Variants in CNKSR2 observed in about 807,000 individuals in gnomAD.
CNKSR2 encodes CNK homolog protein 2.
A neutral mutation model predicts 84.4 loss-of-function variants in CNKSR2; 14 were observed. The observed-to-expected ratio is 0.17, with a 90% confidence interval of 0.11 to 0.26. The LOEUF (loss-of-function observed/expected upper bound fraction) is 0.26. CNKSR2 is among the 10% of genes least tolerant of loss of function. The pLI, the probability that CNKSR2 is intolerant of heterozygous loss-of-function variation, is 1.00. For missense variants in CNKSR2, 485 were observed against 771.2 expected, an observed-to-expected ratio of 0.63 and a Z score of 4.40; for synonymous variants, 275 against 277.9, an observed-to-expected ratio of 0.99 and a Z score of 0.10.
intron 4 of CNKSR2, among the ~76,000 whole-genome samples, chrX:21,460,818 C>G (rs755982237): frequency 4.5e-5 from 5 of 111,627 alleles, no homozygotes; most frequent in Admixed American, 1.9e-4. Flanking sequence ...GGTGCCTGGC[C>G]TGTTTCACTT....
intron 1 of CNKSR2, among the ~76,000 whole-genome samples, chrX:21,389,006 G>A (rs1008859035): frequency 1.8e-5 from 2 of 108,315 alleles, no homozygotes; most frequent in Admixed American, 2.0e-4. Flanking sequence ...GATATGATGA[G>A]AATGGTTCTT....
chrX:21,424,389 A>G (rs1423884164), intron 1 of CNKSR2: 1 of 111,474 alleles, frequency 9.0e-6, no homozygotes, highest in African/African-American at 3.3e-5. Context: ...GTTGCATTTA[A>G]CACTTGTCTG....
rs780830728 is a variant in CNKSR2 at position 21,642,547 on chromosome X, A to C, written c.2693-6284A>C. The C allele has an allele frequency of 8.1e-6, 6 of 741,411 alleles. No individual in the cohort carries two copies. The East Asian group carries it at 9.1e-4, about 113-fold the overall frequency. 61.1% of individuals were successfully genotyped at this position (741,411 alleles called of 1,213,427 possible). A position where few individuals can be genotyped will look rare whatever the true frequency, so the allele number is the denominator to read the frequency against. On this transcript the variant is annotated intron_variant, in intron 20 of 21. Coordinates refer to ENST00000379510, the MANE Select transcript of CNKSR2 (RefSeq NM_014927.5). ...TGGATGTGAAATTTCCTTTAGTTGG[A>C]TAAGATACACTGTAATAATTTTAAT... is the stretch of plus-strand genomic sequence containing the variant.
chrX:21,414,514 T>G (rs1440915070), intron 1 of CNKSR2, among the ~76,000 whole-genome samples: 1 of 110,583 alleles, frequency 9.0e-6, no homozygotes, highest in African/African-American at 3.3e-5. Flanking sequence ...TTCTCCCATT[T>G]TGTGGGTTGT....
intron 4 of CNKSR2, among the ~76,000 whole-genome samples, chrX:21,467,992 T>A (rs1354012571): frequency 9.0e-6 from 1 of 111,540 alleles, no homozygotes; most frequent in African/African-American, 3.3e-5. Context: ...AATAAAAATA[T>A]ATTAATATCT....
At chrX:21,649,330 A>G (rs1275497207) in intron 21 of CNKSR2, among the ~76,000 whole-genome samples, 2 of 112,196 alleles carry the variant, frequency 1.8e-5, no homozygotes, top group Non-Finnish European at 3.8e-5. Context: ...TCCTCAGTCT[A>G]TAGATTTTCT....
intron 1 of CNKSR2, among the ~76,000 whole-genome samples, chrX:21,390,011 A>G (rs1355818461): frequency 8.9e-6 from 1 of 112,117 alleles, no homozygotes; most frequent in East Asian, 2.8e-4. Flanking sequence ...AGTTAGCTCC[A>G]TCTTCTCATT....
intron 17 of CNKSR2, among the ~76,000 whole-genome samples, chrX:21,597,589 G>T (rs1450050068): frequency 9.1e-6 from 1 of 110,454 alleles, no homozygotes; most frequent in Non-Finnish European, 1.9e-5. Context: ...CTTTCAATGG[G>T]AAGATTTTTA....
At chrX:21,622,999 T>C (rs2147305757) in intron 20 of CNKSR2, among the ~76,000 whole-genome samples, 1 of 111,320 alleles carries the variant, frequency 9.0e-6, no homozygotes, top group African/African-American at 3.3e-5. Context: ...CCTCAGTCAA[T>C]ACCAGAATAT....
At chrX:21,489,234 C>T (rs187931438) in intron 5 of CNKSR2, among the ~76,000 whole-genome samples, 6 of 111,274 alleles carry the variant, frequency 5.4e-5, no homozygotes, top group African/African-American at 2.0e-4. Context: ...GGGTACATGT[C>T]ATCAGGACCT....
intron 20 of CNKSR2, among the ~76,000 whole-genome samples, chrX:21,635,215 C>A (rs1421726300): frequency 9.2e-6 from 1 of 109,064 alleles, no homozygotes; most frequent in Non-Finnish European, 1.9e-5. Flanking sequence ...CTGTAACATT[C>A]TTTATGATTG....
intron 6 of CNKSR2, 103 bp from the exon 7 acceptor site, chrX:21,497,684 A>G (rs2091514995): frequency 4.1e-6 from 2 of 491,584 alleles, no homozygotes; most frequent in Admixed American, 7.1e-5. Flanking sequence ...GGCGTGTGGC[A>G]GTTTTAATTT....
chrX:21,500,132 ACT>A (rs1400392882), intron 7 of CNKSR2, among the ~76,000 whole-genome samples: 1 of 110,221 alleles, frequency 9.1e-6, no homozygotes, highest in Non-Finnish European at 1.9e-5. Context: ...TATTGTTATG[ACT>A]CTATTCTTAG....
intron 13 of CNKSR2, among the ~76,000 whole-genome samples, chrX:21,566,298 C>T (rs1294717754): frequency 8.9e-6 from 1 of 112,231 alleles, no homozygotes; most frequent in Non-Finnish European, 1.9e-5. Context: ...TTATAGTTAA[C>T]AATGCTTGGA....
At chrX:21,625,054 T>C (rs1217716183) in intron 20 of CNKSR2, among the ~76,000 whole-genome samples, 1 of 112,133 alleles carries the variant, frequency 8.9e-6, no homozygotes, top group African/African-American at 3.2e-5. Context: ...CCACTAATAT[T>C]ATAAGGCATC....
chrX:21,486,545 A>G (rs1393242503), intron 5 of CNKSR2, among the ~76,000 whole-genome samples: 1 of 111,673 alleles, frequency 9.0e-6, no homozygotes, highest in Non-Finnish European at 1.9e-5. Context: ...TCCTTCTCAC[A>G]TCTGTTAAAC....
chrX:21,583,062 A>G (rs1471447853), intron 13 of CNKSR2, among the ~76,000 whole-genome samples: 9 of 111,796 alleles, frequency 8.1e-5, no homozygotes, highest in Non-Finnish European at 9.4e-5. Flanking sequence ...CTGGTTTATA[A>G]AGCATGCTTA....
Position 21,471,316 on chromosome X carries a change from G to A in CNKSR2, c.561+509G>A, listed in dbSNP as rs770466054. ...TATTTTATTACTAGAAATGGGCTAC[G>A]CGTACATTATACTTTGTGGAAAGGC... is the stretch of plus-strand genomic sequence containing the variant. On this transcript the variant is annotated intron_variant, in intron 5 of 21. Transcript: ENST00000379510. Among the ~76,000 whole-genome samples the A allele has an allele frequency of 4.5e-5, 5 of 112,006 alleles. No homozygotes were observed. The South Asian group carries it at 1.1e-3, about 25-fold the overall frequency.
intron 2 of CNKSR2, chrX:21,426,897 T>C (rs2090572230): frequency 2.7e-6 from 1 of 377,031 alleles, no homozygotes; most frequent in African/African-American, 2.7e-5. Context: ...ATCAGAACCT[T>C]AAGTCCAGAG....
Sources: allele counts gnomAD v4.1 joint callset (sites outside exome capture counted in the v4.1 genomes callset), GRCh38; gene constraint gnomAD v4.1.1; transcripts MANE v1.5; gene names NCBI Gene and HGNC (gene_info 2026-07-23, HGNC 2026-07-21).